Variants in BBX observed in about 807,000 individuals in gnomAD.
The protein encoded by BBX is BBX high mobility group box domain containing, also known as HMG box transcription factor BBX.
BBX carries 30 observed loss-of-function variants against 100.2 expected under a neutral mutation model. That is an observed-to-expected ratio of 0.30 (90% confidence interval 0.22 to 0.41). The LOEUF (loss-of-function observed/expected upper bound fraction) is 0.41. BBX is among the 10% of genes least tolerant of loss of function. The pLI, the probability that BBX is intolerant of heterozygous loss-of-function variation, is 1.00. For missense variants in BBX, 1,023 were observed against 1,129.8 expected (o/e 0.91, Z 1.35); for synonymous variants, 376 against 388.1 (o/e 0.97, Z 0.37).
chr3:107,663,095 A>C (rs919670963), intron 3 of BBX, among the ~76,000 whole-genome samples: 2 of 152,196 alleles, frequency 1.3e-5, no homozygotes, highest in African/African-American at 2.4e-5. Context: ...TGTGTTTCAC[A>C]GTAATAACAG....
chr3:107,733,065 G>A, intron 7 of BBX, 42 bp downstream of exon 7: 1 of 1,552,630 alleles, frequency 6.4e-7, no homozygotes, highest in Non-Finnish European at 8.9e-7. Context: ...TCATACTGTG[G>A]GTTGGGAACA....
Position 107,728,918 on chromosome 3 carries a change from G to A in BBX, c.559G>A (p.Ala187Thr), listed in dbSNP as rs1312471084. ...AAGAGACTTGCCAAGCCCCAAGAAA[G>A]CAAAGACTGAAGAAATGCCTCAGCT... ...SSRDLPSPKK[A>T]KTEEMPQLNF... Residue 187 changes from alanine (A) to threonine (T), a missense_variant, in exon 6 of 18, where the codon GCA becomes ACA. This residue lies in a region of BBX where 229 missense variants were observed against 226.3 expected (regional missense o/e 1.01). Coordinates refer to ENST00000325805, the MANE Select transcript of BBX (RefSeq NM_001142568.3). 1.2e-6 allele frequency: 2 copies of A among 1,613,594 alleles called. No homozygotes were observed. The highest frequency in any genetic ancestry group is 1.3e-5 in the African/African-American group (1 of 74,882).
At chr3:107,697,237 G>A (rs1239004735) in intron 3 of BBX, among the ~76,000 whole-genome samples, 1 of 151,916 alleles carries the variant, frequency 6.6e-6, no homozygotes, top group Admixed American at 6.5e-5. Context: ...TCTGTTGCTG[G>A]TGAGGAACTG....
chr3:107,723,652 C>T (rs975626037), intron 5 of BBX, among the ~76,000 whole-genome samples: 3 of 152,058 alleles, frequency 2.0e-5, no homozygotes, highest in African/African-American at 7.2e-5. Context: ...TGAGTGAGAA[C>T]ATGAGGTATT....
At chr3:107,531,288 A>G (rs2048143949) in intron 2 of BBX, among the ~76,000 whole-genome samples, 3 of 152,270 alleles carry the variant, frequency 2.0e-5, no homozygotes, top group Non-Finnish European at 4.4e-5. Context: ...AGTACAAGGA[A>G]CAGAGGCCGT....
At chr3:107,769,645 G>A (rs9839514) in intron 10 of BBX, among the ~76,000 whole-genome samples, 15,715 of 150,598 alleles carry the variant, frequency 0.1, 1,005 homozygotes, top group Middle Eastern at 0.16. Context: ...TTCGAGTATC[G>A]TATCTGTCGT....
At chr3:107,793,670 G>A (rs1171370482) in intron 15 of BBX, among the ~76,000 whole-genome samples, 1 of 152,068 alleles carries the variant, frequency 6.6e-6, no homozygotes, top group Non-Finnish European at 1.5e-5. Flanking sequence ...ATTTAAACAT[G>A]TCTAAAATTA....
chr3:107,653,996 G>C (rs1047068664), intron 3 of BBX, among the ~76,000 whole-genome samples: 8 of 152,094 alleles, frequency 5.3e-5, no homozygotes, highest in African/African-American at 1.7e-4. Context: ...ATGAAACTCC[G>C]TCCATGCCTT....
chr3:107,557,451 GCAAA>G (rs372552453), intron 2 of BBX, among the ~76,000 whole-genome samples: 2 of 152,104 alleles, frequency 1.3e-5, no homozygotes, highest in African/African-American at 4.8e-5. Context: ...TTCTCTAATT[GCAAA>G]CAGTTTATCA....
intron 2 of BBX, among the ~76,000 whole-genome samples, chr3:107,570,988 C>G (rs1356130445): frequency 6.6e-6 from 1 of 152,134 alleles, no homozygotes; most frequent in Non-Finnish European, 1.5e-5. Flanking sequence ...GTGTTGTTTT[C>G]TGGCTATTTA....
At chr3:107,655,511 A>ATTTTT (rs35368803) in intron 3 of BBX, among the ~76,000 whole-genome samples, 1 of 117,600 alleles carries the variant, frequency 8.5e-6, no homozygotes, top group African/African-American at 3.2e-5. Context: ...ATGATAATTA[A>ATTTTT]TTTTTTTTTT....
At chr3:107,660,483 G>T (rs752419230) in intron 3 of BBX, among the ~76,000 whole-genome samples, 23 of 130,446 alleles carry the variant, frequency 1.8e-4, no homozygotes, top group Admixed American at 1.2e-3. Flanking sequence ...TTTTTAAATC[G>T]TAAGTATTGT....
intron 3 of BBX, among the ~76,000 whole-genome samples, chr3:107,681,469 T>C (rs2059571287): frequency 6.6e-6 from 1 of 152,106 alleles, no homozygotes; most frequent in African/African-American, 2.4e-5. Flanking sequence ...CGTGGGACAT[T>C]ATTTGGGGAA....
Position 107,773,593 on chromosome 3 carries a change from G to A in BBX, c.1872G>A (p.Val624=). Residue 624 remains valine, a synonymous_variant, in exon 11 of 18, where the codon GTG becomes GTA. Coordinates refer to ENST00000325805, the MANE Select transcript of BBX (RefSeq NM_001142568.3). The surrounding 1 kb of genome is among the most constrained non-coding windows in gnomAD (Gnocchi z 4.1). ...AAGGTGCTCTTTATAAAACCCTGGT[G>A]TCTGAGGGCATGCTCACCTCTCTGC... ...SCKGALYKTL[V]SEGMLTSLRA... is the part of the protein sequence containing the mutation. The A allele has an allele frequency of 6.2e-7, 1 of 1,613,792 alleles. No individual in the cohort carries two copies. Among genetic ancestry groups the A allele is most frequent in the Non-Finnish European group, 8.5e-7 (1 of 1,179,868 alleles).
intron 3 of BBX, among the ~76,000 whole-genome samples, chr3:107,678,288 T>C (rs2059389157): frequency 1.3e-5 from 2 of 152,220 alleles, no homozygotes; most frequent in East Asian, 1.9e-4. Flanking sequence ...GATATTTCTT[T>C]ACCTAAGGGT....
chr3:107,674,470 A>C (rs2059182470), intron 3 of BBX, among the ~76,000 whole-genome samples: 1 of 152,180 alleles, frequency 6.6e-6, no homozygotes, highest in African/African-American at 2.4e-5. Context: ...TTGCGCTAGT[A>C]ATGACTTTGG....
intron 10 of BBX, among the ~76,000 whole-genome samples, chr3:107,762,619 T>G (rs899634879): frequency 2.0e-5 from 3 of 152,356 alleles, no homozygotes; most frequent in African/African-American, 4.8e-5. Flanking sequence ...ACAAAATGAT[T>G]GTAAATATAC....
intron 2 of BBX, among the ~76,000 whole-genome samples, chr3:107,638,166 C>T (rs1484026211): frequency 6.6e-6 from 1 of 151,744 alleles, no homozygotes. Flanking sequence ...ATCCTTCCAC[C>T]TCAGCCTCCC....
intron 2 of BBX, among the ~76,000 whole-genome samples, chr3:107,608,153 A>G (rs1460003615): frequency 6.6e-6 from 1 of 152,112 alleles, no homozygotes; most frequent in African/African-American, 2.4e-5. Flanking sequence ...AAGTCCTGGC[A>G]AGTTTCTCCA....
Sources: gnomAD v4.1 joint callset for allele counts (sites outside exome capture counted in the v4.1 genomes callset) on GRCh38, gnomAD v4.1.1 for gene constraint, gnomAD v4.1.1 regional missense constraint, Gnocchi (gnomAD v3.1) non-coding constraint, MANE v1.5 for transcripts, NCBI Gene and HGNC (gene_info 2026-07-23, HGNC 2026-07-21) for gene names.